Variants in FANCL observed in about 807,000 individuals in gnomAD.
FANCL encodes FA complementation group L.
FANCL carries 69 observed loss-of-function variants against 59.4 expected under a neutral mutation model. That is an observed-to-expected ratio of 1.16 (90% confidence interval 0.96 to 1.42). FANCL has a LOEUF of 1.42. FANCL is among the 40% of genes most tolerant of loss of function. The pLI, the probability that FANCL is intolerant of heterozygous loss-of-function variation, is 0.00. For synonymous variants in FANCL, 180 were observed against 147.1 expected, an observed-to-expected ratio of 1.22 and a Z score of -1.62; for missense variants, 519 against 447.2, an observed-to-expected ratio of 1.16 and a Z score of -1.45.
Position 58,217,215 on chromosome 2 carries a change from TACACACACACACAC to T in FANCL, c.374+4713_374+4726del, listed in dbSNP as rs368257506. ...ATATATATATATATATATATATATA[TACACACACACACAC>T]ACACACACACACACATATATATGTT... On this transcript the variant is annotated intron_variant, in intron 5 of 13. Coordinates refer to ENST00000233741, the MANE Select transcript of FANCL (RefSeq NM_018062.4). Among the ~76,000 whole-genome samples the T allele has an allele frequency of 3.5e-3, 74 of 20,868 alleles. 3 individuals carry two copies. Among genetic ancestry groups the T allele is most frequent in the African/African-American group, 0.013 (69 of 5,346 alleles). 13.7% of individuals were successfully genotyped at this position (20,868 alleles called of 152,430 possible). A position where few individuals can be genotyped will look rare whatever the true frequency, so the allele number is the denominator to read the frequency against.
At chr2:58,205,979 T>C (rs1312968265) in intron 5 of FANCL, among the ~76,000 whole-genome samples, 1 of 152,156 alleles carries the variant, frequency 6.6e-6, no homozygotes, top group Admixed American at 6.6e-5. Context: ...TTACAATTTT[T>C]AGAATCCAAG....
At chr2:58,164,259 T>TA (rs1685641467) in intron 8 of FANCL, among the ~76,000 whole-genome samples, 1 of 152,068 alleles carries the variant, frequency 6.6e-6, no homozygotes, top group African/African-American at 2.4e-5. Context: ...ATTTTCATCG[T>TA]AAAAATGTCT....
intron 7 of FANCL, among the ~76,000 whole-genome samples, chr2:58,192,115 A>G (rs1688983195): frequency 6.6e-6 from 1 of 151,866 alleles, no homozygotes; most frequent in Admixed American, 6.6e-5. Flanking sequence ...TAACGTACCA[A>G]TGAAGGCATT....
At chr2:58,171,860 A>AGG (rs1340269316) in intron 7 of FANCL, among the ~76,000 whole-genome samples, 1 of 152,106 alleles carries the variant, frequency 6.6e-6, no homozygotes, top group African/African-American at 2.4e-5. Context: ...AGTCAAAGAA[A>AGG]GGGGTGACAG....
chr2:58,177,631 T>TGGGGTGG (rs1272949272), intron 7 of FANCL, among the ~76,000 whole-genome samples: 1 of 66,260 alleles, frequency 1.5e-5, no homozygotes, highest in Non-Finnish European at 2.6e-5. Flanking sequence ...GGGACTGTTG[T>TGGGGTGG]GGGGTGGGGG....
intron 4 of FANCL, 143 bp downstream of exon 4, chr2:58,226,585 T>C: frequency 4.4e-6 from 3 of 686,626 alleles, no homozygotes; most frequent in South Asian, 3.5e-5. Flanking sequence ...GTCATCTATA[T>C]TTATGTACAC....
At chr2:58,238,377 A>G (rs1164445154) in intron 1 of FANCL, among the ~76,000 whole-genome samples, 3 of 152,362 alleles carry the variant, frequency 2.0e-5, no homozygotes, top group African/African-American at 7.2e-5. Context: ...CCACAGAAAC[A>G]GTGAGACAAT....
intron 7 of FANCL, among the ~76,000 whole-genome samples, chr2:58,192,989 T>G (rs1689083239): frequency 6.6e-6 from 1 of 151,742 alleles, no homozygotes; most frequent in Non-Finnish European, 1.5e-5. Context: ...AAAATACAAT[T>G]AAAAAGATTG....
intron 7 of FANCL, among the ~76,000 whole-genome samples, chr2:58,196,212 A>G (rs571113066): frequency 2.6e-5 from 4 of 152,258 alleles, no homozygotes; most frequent in Non-Finnish European, 5.9e-5. Context: ...GTAAACAGTT[A>G]CTACTTAAAG....
intron 7 of FANCL, among the ~76,000 whole-genome samples, chr2:58,174,790 G>C (rs566663530): frequency 6.6e-6 from 1 of 152,250 alleles, no homozygotes; most frequent in East Asian, 1.9e-4. Context: ...ACTAAAACCA[G>C]AGCAGAACTG....
chr2:58,182,385 G>T (rs1445185181), intron 7 of FANCL, among the ~76,000 whole-genome samples: 1 of 151,774 alleles, frequency 6.6e-6, no homozygotes, highest in East Asian at 1.9e-4. Context: ...AGCCATGCTT[G>T]TTTCAGTCCA....
chr2:58,198,977 C>A (rs904265049), intron 6 of FANCL, among the ~76,000 whole-genome samples: 20 of 147,038 alleles, frequency 1.4e-4, no homozygotes, highest in Non-Finnish European at 2.5e-4. Context: ...GGCAGTGAGC[C>A]GAGACTGCGC....
chr2:58,217,111 C>T (rs1691798729), intron 5 of FANCL, among the ~76,000 whole-genome samples: 1 of 136,752 alleles, frequency 7.3e-6, no homozygotes, highest in Admixed American at 7.7e-5. Flanking sequence ...CACACACACA[C>T]ACATTACATA....
At chr2:58,162,239 G>C (rs914572881) in intron 11 of FANCL, among the ~76,000 whole-genome samples, 28 of 151,862 alleles carry the variant, frequency 1.8e-4, no homozygotes, top group African/African-American at 6.5e-4. Flanking sequence ...TATTATTTTT[G>C]CAGTATAGTG....
chr2:58,226,343 A>C lies in FANCL; in HGVS notation c.273+385T>G, dbSNP rs185595203. On this transcript the variant is annotated intron_variant, in intron 4 of 13. Coordinates refer to ENST00000233741, the MANE Select transcript of FANCL (RefSeq NM_018062.4). Reference sequence around the variant, plus strand: ...AACAGTATACATAAAATGAAGCCTAATAAGTTTTTCAGATATCTGTAGCTA... The same window carrying C: ...AACAGTATACATAAAATGAAGCCTACTAAGTTTTTCAGATATCTGTAGCTA... 1.8e-4 allele frequency among the ~76,000 whole-genome samples: 27 copies of C among 152,342 alleles called. No individual in the cohort carries two copies. In the East Asian group the frequency reaches 5.2e-3, roughly 29 times the overall value.
chr2:58,192,801 G>C (rs183510037), intron 7 of FANCL, among the ~76,000 whole-genome samples: 9 of 151,940 alleles, frequency 5.9e-5, no homozygotes, highest in Non-Finnish European at 1.0e-4. Flanking sequence ...AGCCAAAAGT[G>C]TTTGCCCCTG....
intron 7 of FANCL, among the ~76,000 whole-genome samples, chr2:58,193,627 A>G (rs1195522181): frequency 1.2e-4 from 19 of 152,104 alleles, no homozygotes; most frequent in Non-Finnish European, 1.3e-4. Flanking sequence ...AAAGCATAAG[A>G]AATTAACCAA....
chr2:58,217,262 A>G (rs1691930884), intron 5 of FANCL, among the ~76,000 whole-genome samples: 2 of 136,090 alleles, frequency 1.5e-5, no homozygotes, highest in South Asian at 2.4e-4. Context: ...GTTTGGCTAA[A>G]ACAAGAGGAA....
At chr2:58,169,189 C>T (rs934633316) in intron 7 of FANCL, among the ~76,000 whole-genome samples, 11 of 152,144 alleles carry the variant, frequency 7.2e-5, no homozygotes, top group Admixed American at 7.2e-4. Flanking sequence ...CCCTCTGGGA[C>T]GAAGCTTCCA....
Sources: allele counts gnomAD v4.1 joint callset (sites outside exome capture counted in the v4.1 genomes callset), GRCh38; gene constraint gnomAD v4.1.1; transcripts MANE v1.5; gene names NCBI Gene and HGNC (gene_info 2026-07-23, HGNC 2026-07-21).